Variants in APBA2 observed in about 807,000 individuals in gnomAD.
The protein encoded by APBA2 is amyloid beta precursor protein binding family A member 2.
In APBA2, 30 loss-of-function variants were observed where a neutral mutation model predicts 75.0. The ratio of observed to expected loss-of-function variants is 0.40; its 90% CI spans 0.30 to 0.54. APBA2 has a LOEUF of 0.54. Ranked by LOEUF, APBA2 falls within the 20% of genes least tolerant of loss-of-function variation. APBA2 has a pLI of 0.49. For synonymous variants in APBA2, 444 were observed against 409.6 expected, an observed-to-expected ratio of 1.08 and a Z score of -1.01; for missense variants, 801 against 1,016.1, an observed-to-expected ratio of 0.79 and a Z score of 2.88.
At chr15:29,031,938 C>T (rs2040508715) in intron 3 of APBA2, among the ~76,000 whole-genome samples, 1 of 152,234 alleles carries the variant, frequency 6.6e-6, no homozygotes, top group Non-Finnish European at 1.5e-5. Flanking sequence ...GCACAGGATG[C>T]TGTCTTGATA....
chr15:28,908,531 G>A (rs929186778), intron 1 of APBA2, among the ~76,000 whole-genome samples: 17 of 151,854 alleles, frequency 1.1e-4, no homozygotes, highest in African/African-American at 4.1e-4. Context: ...AGATGGTCTC[G>A]ATCTCCTGAC....
intron 2 of APBA2, among the ~76,000 whole-genome samples, chr15:28,986,623 C>T (rs865986445): frequency 9.9e-5 from 15 of 152,060 alleles, no homozygotes; most frequent in East Asian, 1.9e-4. Flanking sequence ...TGTGCCACCA[C>T]GCCTGGCTAA....
At chr15:29,116,398 G>C (rs186384457) in intron 14 of APBA2, among the ~76,000 whole-genome samples, 1 of 152,090 alleles carries the variant, frequency 6.6e-6, no homozygotes, top group Admixed American at 6.5e-5. Flanking sequence ...AGGCCGAGGC[G>C]GGCGTATCAC....
Position 29,101,937 on chromosome 15 carries a change from G to C in APBA2, c.1524+153G>C, listed in dbSNP as rs550824890. 113 of 794,310 alleles carry C rather than the reference G, an allele frequency of 1.4e-4. No individual in the cohort carries two copies. In the Middle Eastern group the frequency reaches 1.8e-3, roughly 13 times the overall value. The allele number at this position is 794,310 out of a possible 1,614,324, so 49.2% of individuals were successfully genotyped here. A position where few individuals can be genotyped will look rare whatever the true frequency, so the allele number is the denominator to read the frequency against. On this transcript the variant is annotated intron_variant, in intron 10 of 14. Transcript: ENST00000683413. ...ATCAGTGATCTTTTGCATACTCTTT[G>C]GGTTTGCAAAGATAGTGAATACAGT...
chr15:28,956,632 C>T (rs1438897124), intron 2 of APBA2, among the ~76,000 whole-genome samples: 1 of 145,988 alleles, frequency 6.8e-6, no homozygotes, highest in Non-Finnish European at 1.5e-5. Context: ...GCATTAAGTA[C>T]ATTTACACGG....
At chr15:29,115,540 C>A (rs115897523) in intron 14 of APBA2, among the ~76,000 whole-genome samples, 3 of 152,146 alleles carry the variant, frequency 2.0e-5, no homozygotes, top group African/African-American at 7.2e-5. Flanking sequence ...GAAATCCACC[C>A]GTGGAGGAGC....
At chr15:29,076,175 T>G in intron 6 of APBA2, 84 bp downstream of exon 6, 1 of 1,425,560 alleles carries the variant, frequency 7.0e-7, no homozygotes, top group Non-Finnish European at 9.9e-7. Context: ...GGCATTCACC[T>G]GCAAAGCTTG....
Position 29,117,446 on chromosome 15 carries a change from G to A in APBA2, c.*313G>A, listed in dbSNP as rs1463525963. ...TAGCTGTGCGTGGTGTGGAGTGTGTGTCTTTCCTCCCTGAAGCTGTGCGGA... is the reference window on the plus strand; with the variant it reads ...TAGCTGTGCGTGGTGTGGAGTGTGTATCTTTCCTCCCTGAAGCTGTGCGGA... On this transcript the variant is annotated 3_prime_UTR_variant, in exon 15 of 15. Transcript: ENST00000683413. 4.5e-6 allele frequency: 2 copies of A among 449,062 alleles called. No individual in the cohort carries two copies. 27.8% of individuals were successfully genotyped at this position (449,062 alleles called of 1,614,324 possible).
intron 2 of APBA2, among the ~76,000 whole-genome samples, chr15:28,923,200 C>T (rs1005339241): frequency 6.6e-6 from 1 of 152,176 alleles, no homozygotes; most frequent in Admixed American, 6.5e-5. Flanking sequence ...ATAGCAGACC[C>T]CTGGCCTCCC....
In APBA2 at chr15:28,933,665, C is replaced by T. The variant is rs557089265; in HGVS notation, c.-95+11916C>T. On this transcript the variant is annotated intron_variant, in intron 2 of 14. Transcript: ENST00000683413. Reference sequence around the variant, plus strand: ...ATCATTGAGTTAGGAGCGAAGTCCTCGACCTGAGGTTTTATTGGTCCAAAG... The same window carrying T: ...ATCATTGAGTTAGGAGCGAAGTCCTTGACCTGAGGTTTTATTGGTCCAAAG... Among the ~76,000 whole-genome samples the T allele has an allele frequency of 5.3e-5, 8 of 152,338 alleles. No homozygotes were observed. In the South Asian group the frequency reaches 1.0e-3, roughly 20 times the overall value.
intron 4 of APBA2, among the ~76,000 whole-genome samples, chr15:29,073,844 G>A (rs979992246): frequency 1.3e-4 from 20 of 152,184 alleles, no homozygotes; most frequent in Admixed American, 1.3e-3. Context: ...ACTAAATAGA[G>A]AAAATATACC....
rs1566942566 is a variant in APBA2 at position 29,046,436 on chromosome 15, G to C, written c.-40-7409G>C. Reference sequence around the variant, plus strand: ...GAAGAAGCTGGGGACAGTTGTCCTTGCTCTCCACCCCCTGGAGTAGGGGAA... The same window carrying C: ...GAAGAAGCTGGGGACAGTTGTCCTTCCTCTCCACCCCCTGGAGTAGGGGAA... On this transcript the variant is annotated intron_variant, in intron 3 of 14. Coordinates refer to ENST00000683413, the MANE Select transcript of APBA2 (RefSeq NM_001353788.2). The surrounding 1 kb of genome is among the most constrained non-coding windows in gnomAD (Gnocchi z 5.0). 6.6e-6 allele frequency among the ~76,000 whole-genome samples: 1 copy of C among 152,152 alleles called. No individual in the cohort carries two copies. Among genetic ancestry groups the C allele is most frequent in the Non-Finnish European group, 1.5e-5 (1 of 68,028 alleles).
At chr15:29,036,529 C>A (rs2040761471) in intron 3 of APBA2, among the ~76,000 whole-genome samples, 1 of 152,076 alleles carries the variant, frequency 6.6e-6, no homozygotes, top group Non-Finnish European at 1.5e-5. Context: ...TGCCTCCACC[C>A]CAGCAAGCGA....
intron 2 of APBA2, among the ~76,000 whole-genome samples, chr15:28,956,809 A>C (rs1198849040): frequency 6.6e-6 from 1 of 152,134 alleles, no homozygotes; most frequent in Admixed American, 6.5e-5. Flanking sequence ...CTCGTATGAG[A>C]GCAATTGTAT....
intron 3 of APBA2, among the ~76,000 whole-genome samples, chr15:29,005,980 A>G (rs554912876): frequency 2.6e-4 from 40 of 152,236 alleles, no homozygotes; most frequent in Non-Finnish European, 5.0e-4. Flanking sequence ...CAGCATACCC[A>G]GTGGTGAAAA....
At chr15:28,926,969 G>A (rs572780231) in intron 2 of APBA2, among the ~76,000 whole-genome samples, 2 of 150,584 alleles carry the variant, frequency 1.3e-5, no homozygotes, top group South Asian at 4.2e-4. Context: ...CCATTCTCCT[G>A]CCTCAGCCTC....
chr15:28,972,393 T>A (rs972044728), intron 2 of APBA2, among the ~76,000 whole-genome samples: 48 of 152,216 alleles, frequency 3.2e-4, no homozygotes, highest in Admixed American at 3.1e-3. Context: ...GACTCAAGAT[T>A]TATGCTCTAG....
At chr15:29,002,370 G>A (rs1427921431) in intron 3 of APBA2, among the ~76,000 whole-genome samples, 1 of 152,192 alleles carries the variant, frequency 6.6e-6, no homozygotes, top group Non-Finnish European at 1.5e-5. Flanking sequence ...GTCTAGGGCT[G>A]CTGTGAACTA....
chr15:28,936,785 GT>G (rs2034898301), intron 2 of APBA2, among the ~76,000 whole-genome samples: 1 of 152,190 alleles, frequency 6.6e-6, no homozygotes, highest in Non-Finnish European at 1.5e-5. Context: ...CAGGATGTGA[GT>G]TGGAGGCTCT....
Sources: gnomAD v4.1 joint callset for allele counts (sites outside exome capture counted in the v4.1 genomes callset) on GRCh38, gnomAD v4.1.1 for gene constraint, Gnocchi (gnomAD v3.1) non-coding constraint, MANE v1.5 for transcripts, NCBI Gene and HGNC (gene_info 2026-07-23, HGNC 2026-07-21) for gene names.